Variants in SMOC1 observed in about 807,000 individuals in gnomAD.
SMOC1 encodes the protein SPARC related modular calcium binding 1.
SMOC1 carries 22 observed loss-of-function variants against 56.3 expected under a neutral mutation model. That is an observed-to-expected ratio of 0.39 (90% CI 0.28 to 0.56). The LOEUF (loss-of-function observed/expected upper bound fraction) is 0.56. SMOC1 is among the 20% of genes least tolerant of loss of function. SMOC1 has a pLI of 0.61. For synonymous variants in SMOC1, 193 were observed against 215.0 expected, an observed-to-expected ratio of 0.90 and a Z score of 0.89; for missense variants, 509 against 565.4, an observed-to-expected ratio of 0.90 and a Z score of 1.01.
chr14:70,004,779 A>C (rs2139573789), intron 7 of SMOC1, among the ~76,000 whole-genome samples: 2 of 152,306 alleles, frequency 1.3e-5, no homozygotes, highest in East Asian at 3.9e-4. Context: ...CAAAACAAAT[A>C]GATATAAAGA....
In SMOC1 at chr14:70,030,252, C is replaced by T. The variant is rs376434940; in HGVS notation, c.1302C>T (p.Leu434=). 34 of 1,609,964 alleles carry T rather than the reference C, an allele frequency of 2.1e-5. No homozygotes were observed. Among genetic ancestry groups the T allele is most frequent in the Admixed American group, 1.2e-4 (7 of 59,572 alleles). ...CLGVSKEVGR[L]V The stretch of plus-strand genomic sequence containing the variant: ...CCTTCCTTCTCTCAGTAGGACGCCT[C>T]GTCTAAGGAGCAGAAAACCCAAGGG... Residue 434 remains leucine (L), a synonymous_variant, in exon 12 of 12, where the codon CTC becomes CTT. Transcript: ENST00000361956.
rs1885298931 is a variant in SMOC1, at chr14:70,010,577, C to A, written c.665-177C>A. Among the ~76,000 whole-genome samples the A allele has an allele frequency of 3.3e-5, 5 of 152,164 alleles. No homozygotes were observed. The South Asian group carries it at 1.0e-3, about 32-fold the overall frequency. Reference sequence around the variant, plus strand: ...ACAGGGAGGTTCTGAACCTCCAGGCCCCTCAGCATGCGCTGGCATGGGAGA... The same window carrying A: ...ACAGGGAGGTTCTGAACCTCCAGGCACCTCAGCATGCGCTGGCATGGGAGA... On this transcript the variant is annotated intron_variant, in intron 7 of 11. Transcript: ENST00000361956.
At chr14:69,916,881 G>A (rs2139357904) in intron 1 of SMOC1, among the ~76,000 whole-genome samples, 1 of 152,258 alleles carries the variant, frequency 6.6e-6, no homozygotes, top group Non-Finnish European at 1.5e-5. Context: ...TCCTCCTGCT[G>A]GAATGAAAAC....
At chr14:69,998,823 G>A (rs1884866733) in intron 7 of SMOC1, among the ~76,000 whole-genome samples, 2 of 152,096 alleles carry the variant, frequency 1.3e-5, no homozygotes, top group South Asian at 4.1e-4. Context: ...TTCCCTCTTT[G>A]TTTTGTCATC....
chr14:69,964,402 G>T (rs1179478237), intron 3 of SMOC1, among the ~76,000 whole-genome samples: 1 of 145,424 alleles, frequency 6.9e-6, no homozygotes, highest in Non-Finnish European at 1.5e-5. Flanking sequence ...TTTTGAGACA[G>T]AGTCTCACTC....
intron 10 of SMOC1, among the ~76,000 whole-genome samples, chr14:70,016,270 G>A (rs1885508193): frequency 6.6e-6 from 1 of 152,264 alleles, no homozygotes; most frequent in African/African-American, 2.4e-5. Context: ...CCTTAGGGAA[G>A]AGGATCTTTT....
intron 1 of SMOC1, among the ~76,000 whole-genome samples, chr14:69,943,368 G>A (rs923998022): frequency 1.3e-5 from 2 of 152,192 alleles, no homozygotes; most frequent in Non-Finnish European, 2.9e-5. Flanking sequence ...CTTTGCACCT[G>A]TGTAAATTCA....
intron 10 of SMOC1, among the ~76,000 whole-genome samples, chr14:70,017,807 A>G (rs544915810): frequency 5.4e-4 from 83 of 152,320 alleles, no homozygotes; most frequent in African/African-American, 2.0e-3. Context: ...TAAAGTCGGT[A>G]GGATAATAGA....
In SMOC1 at chr14:69,974,480, G is replaced by A. The variant is rs1163398737; in HGVS notation, c.379-1235G>A. ...CAGAGGGTTCTGTGGCCAGAGTGGA[G>A]GGTGTGTGCTGGGACATGGGCATGA... On this transcript the variant is annotated intron_variant, in intron 3 of 11. Transcript: ENST00000361956. Among the ~76,000 whole-genome samples, 3 of 152,152 alleles carry A rather than the reference G, an allele frequency of 2.0e-5. No individual in the cohort carries two copies. The East Asian group carries it at 5.8e-4, about 29-fold the overall frequency.
intron 10 of SMOC1, among the ~76,000 whole-genome samples, chr14:70,016,538 T>C (rs571898967): frequency 1.3e-5 from 2 of 152,270 alleles, no homozygotes; most frequent in Admixed American, 1.3e-4. Context: ...GAAACTGCTA[T>C]CCAGGAAGGT....
In SMOC1 at chr14:69,961,267, ATT is replaced by A. The variant is rs1491333645; in HGVS notation, c.378+7736_378+7737del. Among the ~76,000 whole-genome samples the A allele has an allele frequency of 3.6e-4, 25 of 69,078 alleles. 1 individual carries two copies. Among genetic ancestry groups the A allele is most frequent in the African/African-American group, 1.6e-3 (22 of 13,876 alleles). The allele number at this position is 69,078 out of a possible 152,430, so 45.3% of individuals were successfully genotyped here. A position where few individuals can be genotyped will look rare whatever the true frequency, so the allele number is the denominator to read the frequency against. ...CCTTTTTATTGTCAAGCAATATTCT[ATT>A]GTGTATATATATATATATATATATA... On this transcript the variant is annotated intron_variant, in intron 3 of 11. Transcript: ENST00000361956.
chr14:69,925,804 G>A (rs1329123475), intron 1 of SMOC1, among the ~76,000 whole-genome samples: 1 of 152,230 alleles, frequency 6.6e-6, no homozygotes, highest in African/African-American at 2.4e-5. Flanking sequence ...CAAGTTCATT[G>A]TAGGTTAGAG....
At chr14:69,985,006 C>T (rs1488163331) in intron 5 of SMOC1, among the ~76,000 whole-genome samples, 4 of 151,662 alleles carry the variant, frequency 2.6e-5, no homozygotes, top group Non-Finnish European at 5.9e-5. Context: ...ATCACTCCAG[C>T]CTTGGTGATG....
chr14:69,958,250 T>A (rs1205393952), intron 3 of SMOC1, among the ~76,000 whole-genome samples: 3 of 152,176 alleles, frequency 2.0e-5, no homozygotes, highest in Non-Finnish European at 4.4e-5. Context: ...CCAGCCTGGA[T>A]AACATAGTGA....
At chr14:69,998,344 A>T (rs1594846964) in intron 7 of SMOC1, among the ~76,000 whole-genome samples, 2 of 152,108 alleles carry the variant, frequency 1.3e-5, no homozygotes, top group South Asian at 4.1e-4. Flanking sequence ...AATACGCTAG[A>T]ACTTGAGAAC....
intron 1 of SMOC1, among the ~76,000 whole-genome samples, chr14:69,900,855 A>T (rs1351979671): frequency 6.6e-6 from 1 of 152,220 alleles, no homozygotes; most frequent in Non-Finnish European, 1.5e-5. Flanking sequence ...CACATGCCAC[A>T]ATGGCCTGGT....
intron 5 of SMOC1, among the ~76,000 whole-genome samples, chr14:69,987,046 G>A (rs1362753041): frequency 4.6e-5 from 7 of 152,142 alleles, no homozygotes; most frequent in Admixed American, 3.9e-4. Context: ...AGGGACTTTT[G>A]CAAACAGACA....
Position 70,031,146 on chromosome 14 carries a change from T to C in SMOC1, c.*888T>C, listed in dbSNP as rs1886136865. 6.6e-6 allele frequency: 1 copy of C among 152,172 alleles called. No individual in the cohort carries two copies. Among genetic ancestry groups the C allele is most frequent in the Non-Finnish European group, 1.5e-5 (1 of 68,042 alleles). The allele number at this position is 152,172 out of a possible 1,614,324, so 9.4% of individuals were successfully genotyped here. A position where few individuals can be genotyped will look rare whatever the true frequency, so the allele number is the denominator to read the frequency against. On this transcript the variant is annotated 3_prime_UTR_variant, in exon 12 of 12. Transcript: ENST00000361956. ...ATCCATGCTTAGCATCTACTCTGTA[T>C]AACGCATGAGAGGGGAGGCAAAGAA...
At chr14:69,993,086 C>T (rs1311167369) in intron 6 of SMOC1, among the ~76,000 whole-genome samples, 2 of 152,124 alleles carry the variant, frequency 1.3e-5, no homozygotes, top group East Asian at 1.9e-4. Flanking sequence ...AGGCAGGGTG[C>T]TGGCATGGAC....
Sources: gnomAD v4.1 joint callset for allele counts (sites outside exome capture counted in the v4.1 genomes callset) on GRCh38, gnomAD v4.1.1 for gene constraint, MANE v1.5 for transcripts, NCBI Gene and HGNC (gene_info 2026-07-23, HGNC 2026-07-21) for gene names.